EXOC2: variants seen among roughly 807,000 people sequenced by gnomAD.
The protein encoded by EXOC2 is exocyst complex component 2.
Under a neutral mutation model 131.8 loss-of-function variants are expected in EXOC2, and 70 were observed. The observed-to-expected ratio is 0.53, with a 90% CI of 0.44 to 0.65. The LOEUF (loss-of-function observed/expected upper bound fraction) is 0.65. EXOC2 is among the 30% of genes least tolerant of loss of function. EXOC2 has a pLI of 0.00. For synonymous variants in EXOC2, 411 were observed against 398.4 expected (o/e 1.03, Z -0.38); for missense variants, 923 against 1,108.6 (o/e 0.83, Z 2.38).
intron 1 of EXOC2, among the ~76,000 whole-genome samples, chr6:671,347 A>C (rs1763855047): frequency 1.0e-5 from 1 of 100,002 alleles, no homozygotes; most frequent in African/African-American, 3.1e-5. Flanking sequence ...AACAACAACA[A>C]CAACAACAAA....
At chr6:497,931 T>C (rs77785408) in intron 24 of EXOC2, among the ~76,000 whole-genome samples, 7 of 152,326 alleles carry the variant, frequency 4.6e-5, no homozygotes, top group African/African-American at 7.2e-5. Flanking sequence ...CCATTCTGTA[T>C]TGGAGAACAA....
chr6:656,916 T>C lies in EXOC2; in HGVS notation c.-43-19055A>G. 1 of 1,539,664 alleles carries C rather than the reference T, an allele frequency of 6.5e-7. No homozygotes were observed. The highest frequency in any genetic ancestry group is 8.8e-7 in the Non-Finnish European group (1 of 1,139,686). On this transcript the variant is annotated intron_variant, in intron 1 of 27. Transcript: ENST00000230449. The stretch of plus-strand genomic sequence containing the variant: ...GTGAATGAACAGCTCTAGACAGCCT[T>C]TGCCGGTGATCTTGGCGCGAAACTT...
At chr6:600,851 C>T (rs1017040090) in intron 7 of EXOC2, among the ~76,000 whole-genome samples, 12 of 152,078 alleles carry the variant, frequency 7.9e-5, no homozygotes, top group Admixed American at 7.2e-4. Flanking sequence ...TGAATACTGA[C>T]AAATTATAAG....
rs1763661895 is a variant in EXOC2, at chr6:667,064, C to A, written c.-44+25955G>T. The stretch of plus-strand genomic sequence containing the variant: ...ATTTTAATTATCTATAAGCTATAAT[C>A]ACCGTAAGTTTTGTTGCTGTTATTC... On this transcript the variant is annotated intron_variant, in intron 1 of 27. Coordinates refer to ENST00000230449, the MANE Select transcript of EXOC2 (RefSeq NM_018303.6). Among the ~76,000 whole-genome samples the A allele has an allele frequency of 3.1e-5, 3 of 96,762 alleles. 1 individual carries two copies. The South Asian group carries it at 9.9e-4, about 32-fold the overall frequency. The allele number at this position is 96,762 out of a possible 152,430, so 63.5% of individuals were successfully genotyped here.
chr6:687,805 T>C (rs1764732789), intron 1 of EXOC2, among the ~76,000 whole-genome samples: 1 of 152,206 alleles, frequency 6.6e-6, no homozygotes, highest in African/African-American at 2.4e-5. Context: ...AGAAGTTGGC[T>C]ACAAACAACT....
rs752790391 is a variant in EXOC2, at chr6:489,041, G to C, written c.2622-3C>G. ...CCAAAGCCTGCTTAAAACTTGACCTGAAACACAAACAGCCACACTGAAGTT... is the reference window on the plus strand; with the variant it reads ...CCAAAGCCTGCTTAAAACTTGACCTCAAACACAAACAGCCACACTGAAGTT... On this transcript the variant is annotated splice_polypyrimidine_tract_variant and splice_region_variant and intron_variant, in intron 26 of 27. Transcript: ENST00000230449. 1 of 1,613,762 alleles carries C rather than the reference G, an allele frequency of 6.2e-7. No individual in the cohort carries two copies. The highest frequency in any genetic ancestry group is 8.5e-7 in the Non-Finnish European group (1 of 1,179,820).
rs1405300423 is a variant in EXOC2 at position 486,419 on chromosome 6, A to G, written c.*252T>C. 1.3e-5 allele frequency: 5 copies of G among 377,644 alleles called. No homozygotes were observed. Among genetic ancestry groups the G allele is most frequent in the Non-Finnish European group, 1.9e-5 (4 of 210,896 alleles). The allele number at this position is 377,644 out of a possible 1,614,324, so 23.4% of individuals were successfully genotyped here. A position where few individuals can be genotyped will look rare whatever the true frequency, so the allele number is the denominator to read the frequency against. On this transcript the variant is annotated 3_prime_UTR_variant, in exon 28 of 28. Transcript: ENST00000230449. ...ACTCAACCTTCTGCTGAGATGCAAA[A>G]TATATTTTAAAATGTATTTTAAAGT...
chr6:679,354 G>A (rs1248093221), intron 1 of EXOC2: 1 of 152,090 alleles, frequency 6.6e-6, no homozygotes, highest in Non-Finnish European at 1.5e-5. Flanking sequence ...CGAACATAAA[G>A]ACAAAACCCA....
At chr6:670,557 A>G (rs1763817693) in intron 1 of EXOC2, among the ~76,000 whole-genome samples, 1 of 152,186 alleles carries the variant, frequency 6.6e-6, no homozygotes, top group Non-Finnish European at 1.5e-5. Context: ...AGTGATCAAT[A>G]CTTTTCAATA....
chr6:543,661 C>T (rs1269351859), intron 22 of EXOC2, among the ~76,000 whole-genome samples: 2 of 152,206 alleles, frequency 1.3e-5, no homozygotes, highest in Admixed American at 6.5e-5. Flanking sequence ...TCACATTGTG[C>T]ACCATAAATA....
chr6:486,349 AC>A lies in EXOC2; in HGVS notation c.*321del. ...ACTGAGAAATGCTTCAATATGTGCC[AC>A]GCCATTCCAGAAAACTCCCTGCAGA... On this transcript the variant is annotated 3_prime_UTR_variant, in exon 28 of 28. Transcript: ENST00000230449. 4.1e-6 allele frequency: 1 copy of A among 245,490 alleles called. No homozygotes were observed. The highest frequency in any genetic ancestry group is 7.8e-5 in the South Asian group (1 of 12,768). 15.2% of individuals were successfully genotyped at this position (245,490 alleles called of 1,614,324 possible).
intron 23 of EXOC2, among the ~76,000 whole-genome samples, chr6:513,566 A>G (rs1037791371): frequency 1.1e-4 from 16 of 152,256 alleles, no homozygotes; most frequent in African/African-American, 3.6e-4. Context: ...TTCCTTCAAT[A>G]CACAAACTTG....
chr6:570,610 T>G (rs1184852392), intron 13 of EXOC2, among the ~76,000 whole-genome samples: 1 of 152,192 alleles, frequency 6.6e-6, no homozygotes, highest in Non-Finnish European at 1.5e-5. Flanking sequence ...TAAATTTTAC[T>G]CCAAATAATA....
rs1158833112 is a variant in EXOC2, at chr6:576,781, T to C, written c.1294A>G (p.Ser432Gly). The change falls in exon 12 of 28, where the codon AGC (serine) becomes GGC (glycine). Residue 432 changes from serine (S) to glycine (G), a missense_variant. Physicochemically the swap from Ser to Gly is moderately conservative, Grantham distance 56. Coordinates refer to ENST00000230449, the MANE Select transcript of EXOC2 (RefSeq NM_018303.6). ...CTGTCGTCTCGACCAGACTGAAAGC[T>C]GCTGCCCCTCTTCAGGGACGCTGTC... ...SQTASLKRGSSFQSGRDDTWR... is the reference protein window; with the variant it reads ...SQTASLKRGSGFQSGRDDTWR... The C allele has an allele frequency of 6.2e-7, 1 of 1,614,168 alleles. No individual in the cohort carries two copies.
intron 1 of EXOC2, among the ~76,000 whole-genome samples, chr6:648,695 T>C (rs912682491): frequency 6.8e-6 from 1 of 148,094 alleles, no homozygotes; most frequent in African/African-American, 2.5e-5. Flanking sequence ...TAAAAGCACA[T>C]ACCACAAACT....
rs764497921 is a variant in EXOC2, at chr6:598,125, T to G, written c.971-2A>C. On this transcript the variant is annotated splice_acceptor_variant, in intron 9 of 27. Transcript: ENST00000230449. LOFTEE classifies it high-confidence loss of function. Reference sequence around the variant, plus strand: ...TCCTTGTTTCTACTTCAGCATAATCTATTTAAAAAGAAAAGAATACACAAG... The same window carrying G: ...TCCTTGTTTCTACTTCAGCATAATCGATTTAAAAAGAAAAGAATACACAAG... The G allele has an allele frequency of 6.3e-7, 1 of 1,594,362 alleles. No individual in the cohort carries two copies.
intron 11 of EXOC2, among the ~76,000 whole-genome samples, chr6:582,911 G>C (rs1022756061): frequency 6.6e-6 from 1 of 152,002 alleles, no homozygotes; most frequent in Non-Finnish European, 1.5e-5. Context: ...GCAGCATTTC[G>C]GACGTGCATT....
intron 10 of EXOC2, among the ~76,000 whole-genome samples, chr6:595,630 T>C (rs1759770916): frequency 1.3e-5 from 2 of 152,084 alleles, no homozygotes; most frequent in African/African-American, 2.4e-5. Context: ...GTTATCCATA[T>C]AGATGGTAAC....
At chr6:496,269 C>T (rs774872177) in intron 25 of EXOC2, among the ~76,000 whole-genome samples, 3 of 152,190 alleles carry the variant, frequency 2.0e-5, no homozygotes, top group Non-Finnish European at 4.4e-5. Context: ...AATTTGAATT[C>T]AATTAAATTT....
Sources: gnomAD v4.1 joint callset for allele counts (sites outside exome capture counted in the v4.1 genomes callset) on GRCh38, gnomAD v4.1.1 for gene constraint, MANE v1.5 for transcripts, NCBI Gene and HGNC (gene_info 2026-07-23, HGNC 2026-07-21) for gene names.